Variants in LYRM4 observed in about 807,000 individuals in gnomAD.
The protein encoded by LYRM4 is LYR motif containing 4, also known as LYR motif-containing protein 4.
A neutral mutation model predicts 11.7 loss-of-function variants in LYRM4; 9 were observed. The ratio of observed to expected loss-of-function variants is 0.77; its 90% CI spans 0.46 to 1.34. The LOEUF (loss-of-function observed/expected upper bound fraction) is 1.34. Ranked by LOEUF, LYRM4 falls within the 40% of genes most tolerant of loss-of-function variation. The pLI is 0.00. For synonymous variants in LYRM4, 42 were observed against 40.4 expected (o/e 1.04, Z -0.15); for missense variants, 133 against 112.5 (o/e 1.18, Z -0.82).
At chr6:5,060,506 T>A in the LYRM4 span, among the ~76,000 whole-genome samples, 2 of 17,616 alleles carry the variant, frequency 1.1e-4, no homozygotes, top group East Asian at 6.7e-4. Flanking sequence ...ATTTTTGTAT[T>A]TTTTTTTTTT....
chr6:5,250,889 C>G (rs1479529722), intron 1 of LYRM4, among the ~76,000 whole-genome samples: 1 of 152,148 alleles, frequency 6.6e-6, no homozygotes, highest in African/African-American at 2.4e-5. Context: ...GAGCAAAACT[C>G]TTATTTGGCT....
In LYRM4 at chr6:5,197,944, GC is replaced by G. The variant is rs574919799; in HGVS notation, c.207+18673del. Among the ~76,000 whole-genome samples, 192 of 152,130 alleles carry G rather than the reference GC, an allele frequency of 1.3e-3. 1 individual carries two copies. Among genetic ancestry groups the G allele is most frequent in the African/African-American group, 4.3e-3 (179 of 41,530 alleles). ...CCAGCACTTTGGGAGGCTGAGGTGG[GC>G]GGATCACCTGAGGTCAGGAGTGCAA... is the stretch of plus-strand genomic sequence containing the variant. On this transcript the variant is annotated intron_variant, in intron 2 of 2. Coordinates refer to ENST00000330636, the MANE Select transcript of LYRM4 (RefSeq NM_020408.6).
chr6:5,149,762 C>T (rs1049797703), intron 2 of LYRM4, among the ~76,000 whole-genome samples: 5 of 152,072 alleles, frequency 3.3e-5, no homozygotes, highest in African/African-American at 1.2e-4. Flanking sequence ...TATTTAGATA[C>T]GTAAACATCA....
downstream of LYRM4, among the ~76,000 whole-genome samples, chr6:5,099,385 C>G (rs1266123992): frequency 3.2e-5 from 4 of 123,532 alleles, no homozygotes; most frequent in Non-Finnish European, 6.7e-5. This position sits in a 1 kb window ranked among gnomAD's most constrained non-coding sequence, Gnocchi z 4.3. Context: ...AAAAAAAAAT[C>G]TATTTCTCTA....
intron 2 of LYRM4, among the ~76,000 whole-genome samples, chr6:5,195,668 G>T (rs1391849782): frequency 1.3e-5 from 2 of 152,006 alleles, no homozygotes; most frequent in Non-Finnish European, 2.9e-5. Context: ...AACCCCCACA[G>T]TATGAAGCCC....
intron 2 of LYRM4, among the ~76,000 whole-genome samples, chr6:5,214,802 G>A (rs767734052): frequency 3.9e-5 from 6 of 152,226 alleles, no homozygotes; most frequent in Non-Finnish European, 4.4e-5. Flanking sequence ...AGGGAAGTGA[G>A]TAGAAACTTC....
the LYRM4 span, chr6:5,032,959 T>G: frequency 6.5e-6 from 1 of 152,758 alleles, no homozygotes; most frequent in Non-Finnish European, 1.5e-5. Flanking sequence ...TCTTCTGAAA[T>G]GTGGGAATTC....
chr6:5,128,041 T>C (rs376967619), intron 2 of LYRM4, among the ~76,000 whole-genome samples: 2 of 152,196 alleles, frequency 1.3e-5, no homozygotes, highest in African/African-American at 4.8e-5. Flanking sequence ...AACCCAGAAA[T>C]TGACATTTAC....
intron 2 of LYRM4, among the ~76,000 whole-genome samples, chr6:5,171,427 T>C (rs2127667150): frequency 6.6e-6 from 1 of 152,332 alleles, no homozygotes; most frequent in African/African-American, 2.4e-5. Flanking sequence ...GGAAGACCTA[T>C]TCTGGCCTCC....
chr6:5,234,064 T>C (rs1763396795), intron 1 of LYRM4, among the ~76,000 whole-genome samples: 1 of 152,258 alleles, frequency 6.6e-6, no homozygotes, highest in Admixed American at 6.5e-5. Context: ...CAATTGGCTT[T>C]AATTTCAAGT....
intron 2 of LYRM4, among the ~76,000 whole-genome samples, chr6:5,185,103 C>T (rs1025042911): frequency 2.6e-5 from 4 of 152,174 alleles, no homozygotes; most frequent in African/African-American, 7.2e-5. Flanking sequence ...CATCACAATA[C>T]GCTCCTACCT....
chr6:5,137,092 C>T (rs1382034176), intron 2 of LYRM4, among the ~76,000 whole-genome samples: 1 of 152,180 alleles, frequency 6.6e-6, no homozygotes, highest in Non-Finnish European at 1.5e-5. Context: ...TCACACAATG[C>T]GTGACTTTTT....
chr6:5,247,629 T>C (rs1429842666), intron 1 of LYRM4, among the ~76,000 whole-genome samples: 1 of 152,206 alleles, frequency 6.6e-6, no homozygotes, highest in Non-Finnish European at 1.5e-5. Flanking sequence ...TACAGAGTAA[T>C]ATTCATAATT....
At chr6:5,253,025 C>G (rs958701057) in intron 1 of LYRM4, among the ~76,000 whole-genome samples, 1 of 152,172 alleles carries the variant, frequency 6.6e-6, no homozygotes, top group African/African-American at 2.4e-5. Context: ...CTTTCTATGG[C>G]CTTTCCTTTG....
chr6:5,085,137 G>A, the LYRM4 span: 3 of 303,434 alleles, frequency 9.9e-6, no homozygotes, highest in South Asian at 6.8e-5. Flanking sequence ...ACAGAAAGTC[G>A]CCCCCCGCAT....
chr6:5,096,324 TACA>T, the LYRM4 span, among the ~76,000 whole-genome samples: 1 of 152,022 alleles, frequency 6.6e-6, no homozygotes, highest in Admixed American at 6.6e-5. Context: ...ACCCTATATC[TACA>T]AAAAATTTAA....
At position 5,260,663 on chromosome 6, in the gene LYRM4, C is replaced by G; in HGVS notation, c.71G>C (p.Ser24Thr). 6.6e-7 allele frequency: 1 copy of G among 1,525,214 alleles called. No homozygotes were observed. The highest frequency in any genetic ancestry group is 8.8e-7 in the Non-Finnish European group (1 of 1,135,848). 94.5% of individuals were successfully genotyped at this position (1,525,214 alleles called of 1,614,324 possible). A position where few individuals can be genotyped will look rare whatever the true frequency, so the allele number is the denominator to read the frequency against. ...GCTGGGTCACCTGTAATTGTAGGCG[C>G]TGAAACGCTTGCTCTCTCTCAGCAT... ...RAMLRESKRF[S>T]AYNYRTYAVR... Residue 24 changes from serine to threonine, a missense_variant, in exon 1 of 3, where the codon AGC becomes ACC. Ser to Thr is a moderately conservative substitution (Grantham distance 58). Transcript: ENST00000330636.
intron 1 of LYRM4, among the ~76,000 whole-genome samples, chr6:5,234,720 A>T (rs1042313409): frequency 2.6e-5 from 4 of 152,210 alleles, no homozygotes; most frequent in Non-Finnish European, 5.9e-5. Flanking sequence ...AAGTTTTGGA[A>T]AAAGGAGAGA....
chr6:5,058,350 G>A, the LYRM4 span, among the ~76,000 whole-genome samples: 11,509 of 152,162 alleles, frequency 0.076, 1,055 homozygotes, highest in African/African-American at 0.22. Flanking sequence ...CTTTCTCAAC[G>A]GCCTGTCCCA....
Sources: allele counts gnomAD v4.1 joint callset (sites outside exome capture counted in the v4.1 genomes callset), GRCh38; gene constraint gnomAD v4.1.1; non-coding constraint Gnocchi (gnomAD v3.1); transcripts MANE v1.5; gene names NCBI Gene and HGNC (gene_info 2026-07-23, HGNC 2026-07-21).